The following STPG2 variants were observed in gnomAD, a reference collection of about 807,000 sequenced individuals.
The protein encoded by STPG2 is sperm tail PG-rich repeat containing 2.
Under a neutral mutation model 54.2 loss-of-function variants are expected in STPG2, and 56 were observed. The observed-to-expected ratio is 1.03, with a 90% CI of 0.83 to 1.29. The LOEUF (loss-of-function observed/expected upper bound fraction) is 1.29. Ranked by LOEUF, STPG2 falls within the 50% of genes most tolerant of loss-of-function variation. The pLI is 0.00. For missense variants in STPG2, 596 were observed against 544.9 expected (o/e 1.09, Z -0.93); for synonymous variants, 200 against 181.8 (o/e 1.10, Z -0.81).
chr4:97,686,937 TATTA>T (rs1560718979), intron 10 of STPG2, among the ~76,000 whole-genome samples: 17 of 148,038 alleles, frequency 1.1e-4, no homozygotes, highest in East Asian at 1.9e-4. Context: ...TTATTATTAT[TATTA>T]TTTTTTTTTT....
chr4:97,530,294 G>T (rs976865037), intron 4 of STPG2, among the ~76,000 whole-genome samples: 3 of 152,110 alleles, frequency 2.0e-5, no homozygotes, highest in Non-Finnish European at 4.4e-5. Context: ...CATTGTTATT[G>T]TTTGTCACAT....
At chr4:98,073,367 A>C (rs1738064353) in intron 5 of STPG2, among the ~76,000 whole-genome samples, 1 of 152,204 alleles carries the variant, frequency 6.6e-6, no homozygotes, top group Non-Finnish European at 1.5e-5. Context: ...TATGTCTAAT[A>C]CTCAAAATAT....
In STPG2 at chr4:97,528,418, T is replaced by C. The variant is rs577179667; in HGVS notation, c.462+184281A>G. ...GTTATTGTAGCTTTGGAGTATAGTT[T>C]GAAGTCCAGTAGCATGATGCCTCCA... On this transcript the variant is annotated intron_variant, in intron 4 of 4. Transcript: ENST00000522676. 2.1e-4 allele frequency among the ~76,000 whole-genome samples: 32 copies of C among 152,340 alleles called. No homozygotes were observed. In the South Asian group the frequency reaches 6.6e-3, roughly 32 times the overall value.
Position 97,511,806 on chromosome 4 carries a change from T to TA in STPG2, c.462+200892dup, listed in dbSNP as rs1010349630. 9.0e-4 allele frequency among the ~76,000 whole-genome samples: 135 copies of TA among 150,010 alleles called. 1 individual carries two copies. The highest frequency in any genetic ancestry group is 1.3e-3 in the Non-Finnish European group (88 of 67,364). On this transcript the variant is annotated intron_variant, in intron 4 of 4. Coordinates refer to the STPG2 transcript ENST00000522676. Reference sequence around the variant, plus strand: ...TAATTAACATAATTAATTTCCTACATAAAAAAAAATGTTTGTGAGCTGGTA... The same window carrying TA: ...TAATTAACATAATTAATTTCCTACATAAAAAAAAAATGTTTGTGAGCTGGTA...
chr4:97,491,559 G>C (rs1162881643), intron 4 of STPG2, among the ~76,000 whole-genome samples: 2 of 151,426 alleles, frequency 1.3e-5, no homozygotes, highest in Non-Finnish European at 3.0e-5. Flanking sequence ...CTGAATCTCT[G>C]AATAATAAAC....
intron 8 of STPG2, among the ~76,000 whole-genome samples, chr4:97,855,678 C>G (rs754673176): frequency 3.3e-5 from 5 of 152,158 alleles, no homozygotes; most frequent in Non-Finnish European, 7.4e-5. Flanking sequence ...AATTCGATCT[C>G]ATTTGTCAGT....
intron 9 of STPG2, among the ~76,000 whole-genome samples, chr4:97,769,279 A>ATGT: frequency 6.6e-6 from 1 of 152,264 alleles, no homozygotes; most frequent in Admixed American, 6.5e-5. Flanking sequence ...CTAGTACAGA[A>ATGT]TGAGAGCCAC....
chr4:97,831,030 A>C (rs1417254367), intron 9 of STPG2, among the ~76,000 whole-genome samples: 1 of 152,216 alleles, frequency 6.6e-6, no homozygotes, highest in Non-Finnish European at 1.5e-5. Context: ...GACCTAAAAG[A>C]CATTTACAGA....
At chr4:98,033,292 A>T (rs1262101990) in intron 5 of STPG2, among the ~76,000 whole-genome samples, 1 of 152,216 alleles carries the variant, frequency 6.6e-6, no homozygotes, top group Middle Eastern at 3.2e-3. Flanking sequence ...ATCCCACAGA[A>T]ATACAAACTA....
intron 8 of STPG2, among the ~76,000 whole-genome samples, chr4:97,936,674 ATTCTT>A (rs1280997976): frequency 7.9e-5 from 12 of 152,270 alleles, no homozygotes; most frequent in Admixed American, 1.3e-4. Context: ...TGGGCTGAAA[ATTCTT>A]TTCTTTAAGA....
At chr4:98,060,329 A>C (rs1737605292) in intron 5 of STPG2, among the ~76,000 whole-genome samples, 1 of 152,200 alleles carries the variant, frequency 6.6e-6, no homozygotes, top group Admixed American at 6.5e-5. Context: ...TGCCACAAAA[A>C]GAATAAAATA....
intron 8 of STPG2, among the ~76,000 whole-genome samples, chr4:97,903,882 C>A (rs1263831866): frequency 6.6e-6 from 1 of 152,222 alleles, no homozygotes; most frequent in African/African-American, 2.4e-5. Flanking sequence ...GAATACTGCG[C>A]TTTTCCAACG....
At chr4:97,777,876 A>T (rs1726431530) in intron 9 of STPG2, among the ~76,000 whole-genome samples, 1 of 152,208 alleles carries the variant, frequency 6.6e-6, no homozygotes, top group South Asian at 2.1e-4. Context: ...TATCAAACTG[A>T]GATATCAAAT....
intron 8 of STPG2, among the ~76,000 whole-genome samples, chr4:97,866,216 T>C (rs34159897): frequency 0.26 from 39,845 of 151,798 alleles, 5,681 homozygotes; most frequent in Middle Eastern, 0.36. Context: ...TCAACAATAA[T>C]GTATTGTACA....
At chr4:97,856,440 C>T (rs964571827) in intron 8 of STPG2, among the ~76,000 whole-genome samples, 1 of 152,134 alleles carries the variant, frequency 6.6e-6, no homozygotes, top group Non-Finnish European at 1.5e-5. Context: ...TAGGAGCTTA[C>T]ACATGATTTG....
At chr4:97,750,703 G>C (rs1252163482) in intron 9 of STPG2, among the ~76,000 whole-genome samples, 1 of 151,600 alleles carries the variant, frequency 6.6e-6, no homozygotes, top group African/African-American at 2.4e-5. Flanking sequence ...ATTTTAGGTG[G>C]TGATCCCTGA....
chr4:97,800,796 C>G (rs1727370045), intron 9 of STPG2, among the ~76,000 whole-genome samples: 1 of 152,178 alleles, frequency 6.6e-6, no homozygotes, highest in Non-Finnish European at 1.5e-5. Flanking sequence ...TCTACAGAGG[C>G]AGGCAGGCCT....
chr4:97,617,885 T>A (rs553736546), intron 10 of STPG2, among the ~76,000 whole-genome samples: 2 of 152,286 alleles, frequency 1.3e-5, no homozygotes, highest in South Asian at 4.1e-4. Context: ...ATATACATCA[T>A]AGTCTTTAAG....
At position 98,045,276 on chromosome 4, in the gene STPG2, G is replaced by C. The variant is rs897911513; in HGVS notation, c.612+60677C>G. On this transcript the variant is annotated intron_variant, in intron 5 of 10. Coordinates refer to ENST00000295268, the MANE Select transcript of STPG2 (RefSeq NM_174952.3). Reference sequence around the variant, plus strand: ...CAGAGGACTAGAACCTCCACTGCACGCTGGTTTTAGGTCTTGATTTATGTC... The same window carrying C: ...CAGAGGACTAGAACCTCCACTGCACCCTGGTTTTAGGTCTTGATTTATGTC... Among the ~76,000 whole-genome samples the C allele has an allele frequency of 2.2e-4, 34 of 152,150 alleles. 1 individual carries two copies. The highest frequency in any genetic ancestry group is 7.5e-4 in the African/African-American group (31 of 41,498).
Sources: gnomAD v4.1 joint callset for allele counts (sites outside exome capture counted in the v4.1 genomes callset) on GRCh38, gnomAD v4.1.1 for gene constraint, MANE v1.5 for transcripts, NCBI Gene and HGNC (gene_info 2026-07-23, HGNC 2026-07-21) for gene names.